Variants in GATA4 observed in about 807,000 individuals in gnomAD.
GATA4 encodes the protein transcription factor GATA-4.
GATA4 carries 7 observed loss-of-function variants against 37.9 expected under a neutral mutation model. The observed-to-expected ratio is 0.18, with a 90% CI of 0.11 to 0.35. The LOEUF (loss-of-function observed/expected upper bound fraction) is 0.35. Ranked by LOEUF, GATA4 falls within the 10% of genes least tolerant of loss-of-function variation. The probability of loss-of-function intolerance (pLI) is 1.00; values close to 1 mark genes in which losing one functional copy is unlikely to be tolerated. For missense variants in GATA4, 647 were observed against 653.0 expected (o/e 0.99, Z 0.10); for synonymous variants, 372 against 292.6 (o/e 1.27, Z -2.77).
At position 11,708,955 on chromosome 8, in the gene GATA4, G is replaced by A. The variant is rs1021848964; in HGVS notation, c.616+27G>A. 2.0e-6 allele frequency: 3 copies of A among 1,516,372 alleles called. No individual in the cohort carries two copies. Among genetic ancestry groups the A allele is most frequent in the African/African-American group, 1.4e-5 (1 of 71,306 alleles). 93.9% of individuals were successfully genotyped at this position (1,516,372 alleles called of 1,614,324 possible). A position where few individuals can be genotyped will look rare whatever the true frequency, so the allele number is the denominator to read the frequency against. On this transcript the variant is annotated intron_variant, in intron 2 of 6. Coordinates refer to ENST00000532059, the MANE Select transcript of GATA4 (RefSeq NM_001308093.3). This position sits in a 1 kb window ranked among gnomAD's most constrained non-coding sequence, Gnocchi z 6.7. ...TGAGTAGGAGCGCGAGGGCTGGGGC[G>A]CGTGAGGGCCGGGGCAGGGGCCGTC... is the stretch of plus-strand genomic sequence containing the variant.
intron 2 of GATA4, among the ~76,000 whole-genome samples, chr8:11,731,310 A>G (rs926764139): frequency 6.6e-6 from 1 of 152,272 alleles, no homozygotes; most frequent in African/African-American, 2.4e-5. Flanking sequence ...GAGAGACACA[A>G]TATCCAAAAG....
intron 6 of GATA4, 86 bp downstream of exon 6, chr8:11,757,169 T>G: frequency 6.4e-7 from 1 of 1,564,282 alleles, no homozygotes; most frequent in Non-Finnish European, 8.7e-7. Flanking sequence ...TGGGTGGGAC[T>G]TGCAGCCAGG....
intron 4 of GATA4, among the ~76,000 whole-genome samples, chr8:11,753,151 A>C (rs1416940255): frequency 6.6e-6 from 1 of 152,232 alleles, no homozygotes; most frequent in Non-Finnish European, 1.5e-5. Flanking sequence ...AGATGTAAAC[A>C]ACCCAAGTGT....
intron 2 of GATA4, among the ~76,000 whole-genome samples, chr8:11,717,028 C>A (rs1287136691): frequency 1.3e-5 from 2 of 152,170 alleles, no homozygotes; most frequent in African/African-American, 4.8e-5. Flanking sequence ...CTTATTTGTC[C>A]TAGCCTGCCT....
upstream of GATA4, among the ~76,000 whole-genome samples, chr8:11,699,271 G>C (rs1451102559): frequency 2.0e-5 from 3 of 152,212 alleles, no homozygotes; most frequent in African/African-American, 7.2e-5. Context: ...TACTAGTCCA[G>C]GGATGTTAAC....
At chr8:11,681,405 G>C in intron 1 of GATA4, 2 of 984,924 alleles carry the variant, frequency 2.0e-6, no homozygotes, top group Non-Finnish European at 2.4e-6. Flanking sequence ...CCGGGATCAC[G>C]CGTGGCTCAA....
Position 11,737,915 on chromosome 8 carries a change from G to A in GATA4, c.617-11001G>A, listed in dbSNP as rs570890275. Among the ~76,000 whole-genome samples, 5 of 152,150 alleles carry A rather than the reference G, an allele frequency of 3.3e-5. No homozygotes were observed. The East Asian group carries it at 7.7e-4, about 23-fold the overall frequency. On this transcript the variant is annotated intron_variant, in intron 2 of 6. Coordinates refer to ENST00000532059, the MANE Select transcript of GATA4 (RefSeq NM_001308093.3). ...ATAATCATAGGACAGCTATGGTGGC[G>A]CACGCCTGTAATCCCAGTGCTTTGG...
At chr8:11,681,472 C>T in intron 1 of GATA4, 2 of 964,896 alleles carry the variant, frequency 2.1e-6, no homozygotes, top group Non-Finnish European at 2.4e-6. Context: ...GCCCGGTCCC[C>T]GCGCGGGGTG....
intron 1 of GATA4, among the ~76,000 whole-genome samples, chr8:11,686,604 C>T (rs1336890094): frequency 6.6e-6 from 1 of 152,194 alleles, no homozygotes. Flanking sequence ...ATGTAATTTT[C>T]CAGCCCCCTA....
intron 1 of GATA4, among the ~76,000 whole-genome samples, chr8:11,677,450 A>T (rs922663397): frequency 2.0e-5 from 3 of 152,194 alleles, no homozygotes; most frequent in Non-Finnish European, 4.4e-5. Flanking sequence ...ACCTAAATAA[A>T]TACATACACA....
In GATA4 at chr8:11,708,847, G is replaced by T; in HGVS notation, c.535G>T (p.Ala179Ser). Residue 179 changes from alanine (A) to serine (S), a missense_variant, in exon 2 of 7, where the codon GCC becomes TCC. By Grantham distance (99) the Ala-to-Ser change is moderately conservative. Transcript: ENST00000532059. This position sits in a 1 kb window ranked among gnomAD's most constrained non-coding sequence, Gnocchi z 6.7. ...VGASWAAAAAASAGPFDSPVL... is the reference protein window; with the variant it reads ...VGASWAAAAASSAGPFDSPVL... The stretch of plus-strand genomic sequence containing the variant: ...CGCGTCCTGGGCCGCAGCCGCCGCC[G>T]CCTCCGCCGGCCCCTTCGACAGCCC... 6.7e-7 allele frequency: 1 copy of T among 1,498,046 alleles called. No homozygotes were observed. Among genetic ancestry groups the T allele is most frequent in the Non-Finnish European group, 8.8e-7 (1 of 1,131,504 alleles). 92.8% of individuals were successfully genotyped at this position (1,498,046 alleles called of 1,614,324 possible). A position where few individuals can be genotyped will look rare whatever the true frequency, so the allele number is the denominator to read the frequency against.
chr8:11,730,456 A>T (rs1416154580), intron 2 of GATA4, among the ~76,000 whole-genome samples: 1 of 152,238 alleles, frequency 6.6e-6, no homozygotes, highest in Non-Finnish European at 1.5e-5. Context: ...TTTACTAAAA[A>T]TCGGAATAGA....
intron 2 of GATA4, among the ~76,000 whole-genome samples, chr8:11,711,518 C>T (rs919895486): frequency 1.3e-5 from 2 of 151,702 alleles, no homozygotes; most frequent in Non-Finnish European, 2.9e-5. Context: ...AGGCTCATGC[C>T]TGTAATCCCA....
intron 2 of GATA4, among the ~76,000 whole-genome samples, chr8:11,717,293 C>G (rs4410868): frequency 0.54 from 82,218 of 152,134 alleles, 24,377 homozygotes; most frequent in Non-Finnish European, 0.69. Flanking sequence ...TTGGCACATT[C>G]ACGTTTGGAT....
At position 11,708,938 on chromosome 8, in the gene GATA4, A is replaced by C. The variant is rs2130072590; in HGVS notation, c.616+10A>C. On this transcript the variant is annotated intron_variant, in intron 2 of 6. Coordinates refer to ENST00000532059, the MANE Select transcript of GATA4 (RefSeq NM_001308093.3). This position sits in a 1 kb window ranked among gnomAD's most constrained non-coding sequence, Gnocchi z 6.7. ...CGACACCCCAATCTCGGTGAGTAGGAGCGCGAGGGCTGGGGCGCGTGAGGG... is the reference window on the plus strand; with the variant it reads ...CGACACCCCAATCTCGGTGAGTAGGCGCGCGAGGGCTGGGGCGCGTGAGGG... 4 of 1,522,992 alleles carry C rather than the reference A, an allele frequency of 2.6e-6. No individual in the cohort carries two copies. Among genetic ancestry groups the C allele is most frequent in the Admixed American group, 2.0e-5 (1 of 50,380 alleles). The allele number at this position is 1,522,992 out of a possible 1,614,324, so 94.3% of individuals were successfully genotyped here. A position where few individuals can be genotyped will look rare whatever the true frequency, so the allele number is the denominator to read the frequency against.
intron 5 of GATA4, among the ~76,000 whole-genome samples, chr8:11,755,883 T>G (rs56700770): frequency 6.7e-6 from 1 of 149,832 alleles, no homozygotes; most frequent in Non-Finnish European, 1.5e-5. Context: ...CACTTCAGCC[T>G]GGAGAGCAGA....
intron 2 of GATA4, among the ~76,000 whole-genome samples, chr8:11,740,743 T>C (rs1184698914): frequency 1.3e-5 from 2 of 151,878 alleles, no homozygotes; most frequent in African/African-American, 4.8e-5. Context: ...TTTTCCGTTT[T>C]TTTTTTTGGA....
In GATA4 at chr8:11,723,340, T is replaced by TA. The variant is rs1253156381; in HGVS notation, c.616+14424dup. On this transcript the variant is annotated intron_variant, in intron 2 of 6. Transcript: ENST00000532059. ...CACTGCAATCAGCAAGACCCTGTGT[T>TA]AAAAAAAAAAAACAAAAAAACCTCA... Among the ~76,000 whole-genome samples, 664 of 142,902 alleles carry TA rather than the reference T, an allele frequency of 4.6e-3. 5 individuals are homozygous for TA. The highest frequency in any genetic ancestry group is 0.013 in the East Asian group (66 of 4,972). 93.7% of individuals were successfully genotyped at this position (142,902 alleles called of 152,430 possible). A position where few individuals can be genotyped will look rare whatever the true frequency, so the allele number is the denominator to read the frequency against.
At position 11,758,481 on chromosome 8, in the gene GATA4, C is replaced by T. The variant is rs763092355; in HGVS notation, c.*6C>T. 1 of 1,614,032 alleles carries T rather than the reference C, an allele frequency of 6.2e-7. No homozygotes were observed. ...GGGACATAATCACTGCGTAATCTTC[C>T]CTCTTCCCTCCTCAAATTCCTGCAC... is the stretch of plus-strand genomic sequence containing the variant. On this transcript the variant is annotated 3_prime_UTR_variant, in exon 7 of 7. Transcript: ENST00000532059.
Sources: gnomAD v4.1 joint callset for allele counts (sites outside exome capture counted in the v4.1 genomes callset) on GRCh38, gnomAD v4.1.1 for gene constraint, Gnocchi (gnomAD v3.1) non-coding constraint, MANE v1.5 for transcripts, NCBI Gene and HGNC (gene_info 2026-07-23, HGNC 2026-07-21) for gene names.